FUT8: variants seen among roughly 807,000 people sequenced by gnomAD.
FUT8 encodes alpha-(1,6)-fucosyltransferase.
FUT8 carries 29 observed loss-of-function variants against 71.3 expected under a neutral mutation model. The ratio of observed to expected loss-of-function variants is 0.41; its 90% CI spans 0.30 to 0.55. FUT8 has a LOEUF of 0.55. FUT8 is among the 20% of genes least tolerant of loss of function. The pLI is 0.34. For missense variants in FUT8, 544 were observed against 702.1 expected, an observed-to-expected ratio of 0.77 and a Z score of 2.55; for synonymous variants, 254 against 239.3, an observed-to-expected ratio of 1.06 and a Z score of -0.57.
intron 9 of FUT8, among the ~76,000 whole-genome samples, chr14:65,729,297 G>A (rs556488612): frequency 3.3e-5 from 5 of 151,734 alleles, no homozygotes; most frequent in East Asian, 1.9e-4. Context: ...GATTACTGTC[G>A]TGAGCCACCA....
intron 2 of FUT8, among the ~76,000 whole-genome samples, chr14:65,465,794 T>C (rs1296975011): frequency 1.3e-5 from 2 of 152,226 alleles, no homozygotes; most frequent in South Asian, 2.1e-4. Context: ...ATCTAGTTGA[T>C]TGATGGTGTC....
chr14:65,372,218 G>C, the FUT8 span, among the ~76,000 whole-genome samples: 1 of 152,036 alleles, frequency 6.6e-6, no homozygotes, highest in Non-Finnish European at 1.5e-5. Context: ...CTTGTGCTGG[G>C]GCATTCCCCA....
chr14:65,715,488 CTT>C (rs919081802), intron 7 of FUT8, among the ~76,000 whole-genome samples: 3 of 152,124 alleles, frequency 2.0e-5, no homozygotes, highest in African/African-American at 2.4e-5. Flanking sequence ...TTATTCTTCT[CTT>C]TTACTAATTT....
At chr14:65,649,085 T>C (rs6573623) in intron 6 of FUT8, among the ~76,000 whole-genome samples, 10,968 of 152,292 alleles carry the variant, frequency 0.072, 777 homozygotes, top group African/African-American at 0.18. Flanking sequence ...TTCATTGGTA[T>C]AAACATTGTT....
At chr14:65,653,836 C>A (rs1254373093) in intron 6 of FUT8, among the ~76,000 whole-genome samples, 1 of 152,170 alleles carries the variant, frequency 6.6e-6, no homozygotes, top group African/African-American at 2.4e-5. Context: ...AGATTTAAAA[C>A]CTTGTGCTGA....
chr14:65,363,265 GTGCCCGC>G, the FUT8 span, among the ~76,000 whole-genome samples: 67,056 of 150,978 alleles, frequency 0.44, 17,447 homozygotes, highest in Non-Finnish European at 0.59. Context: ...GGGATTACAG[GTGCCCGC>G]CACCAAGCCT....
At chr14:65,385,981 G>A in the FUT8 span, among the ~76,000 whole-genome samples, 22 of 151,814 alleles carry the variant, frequency 1.4e-4, no homozygotes, top group Non-Finnish European at 1.3e-4. Context: ...GTGAAACCCC[G>A]TCTCTACTAA....
intron 1 of FUT8, among the ~76,000 whole-genome samples, chr14:65,423,805 A>G (rs2065339388): frequency 6.6e-6 from 1 of 152,224 alleles, no homozygotes; most frequent in African/African-American, 2.4e-5. Flanking sequence ...CTTTCTTTAT[A>G]GCAATCCTGT....
At chr14:65,381,824 CAT>C in the FUT8 span, among the ~76,000 whole-genome samples, 1 of 152,170 alleles carries the variant, frequency 6.6e-6, no homozygotes, top group African/African-American at 2.4e-5. Context: ...ATAGTCAACT[CAT>C]ATGCTCTAAA....
chr14:65,358,007 GAGT>G, the FUT8 span, among the ~76,000 whole-genome samples: 5 of 152,126 alleles, frequency 3.3e-5, no homozygotes, highest in Non-Finnish European at 7.4e-5. Context: ...TAGAAGCAGA[GAGT>G]AGAATAGTGG....
At chr14:65,679,452 G>T (rs902101664) in intron 7 of FUT8, among the ~76,000 whole-genome samples, 6 of 152,118 alleles carry the variant, frequency 3.9e-5, no homozygotes, top group Non-Finnish European at 7.4e-5. Context: ...TCAGAGGGAA[G>T]ATTAATATTT....
At chr14:65,440,359 T>A (rs564284020) in intron 1 of FUT8, among the ~76,000 whole-genome samples, 17 of 151,812 alleles carry the variant, frequency 1.1e-4, no homozygotes, top group Admixed American at 3.9e-4. Context: ...TTTTTTTTTT[T>A]AAATTGAAAT....
rs1002292510 is a variant in FUT8, at chr14:65,694,133, G to T, written c.835+24653G>T. On this transcript the variant is annotated intron_variant, in intron 7 of 10. Coordinates refer to ENST00000673929, the MANE Select transcript of FUT8 (RefSeq NM_001371533.1). ...TCTTCATTTTACTGATATTTTCAAA[G>T]AACTAGCTTTTCAGTTTGTTAATTT... 6.6e-5 allele frequency among the ~76,000 whole-genome samples: 10 copies of T among 152,234 alleles called. No homozygotes were observed. In the East Asian group the frequency reaches 1.7e-3, roughly 26 times the overall value.
At chr14:65,685,495 A>G (rs1456174160) in intron 7 of FUT8, among the ~76,000 whole-genome samples, 1 of 152,236 alleles carries the variant, frequency 6.6e-6, no homozygotes, top group East Asian at 1.9e-4. Context: ...AGACCCCAAG[A>G]GAGGGTTCTT....
At position 65,445,213 on chromosome 14, in the gene FUT8, A is replaced by G. The variant is rs75028732; in HGVS notation, c.-325-10408A>G. Among the ~76,000 whole-genome samples the G allele has an allele frequency of 5.7e-3, 869 of 152,192 alleles. 30 individuals are homozygous for G. The East Asian group carries it at 0.092, about 16-fold the overall frequency. ...AGAGCGAAACTCTGTCTCATAAATA[A>G]ATAAAAGGATAAAAAGGGCTTGCTC... is the stretch of plus-strand genomic sequence containing the variant. On this transcript the variant is annotated intron_variant, in intron 1 of 10. Transcript: ENST00000673929.
chr14:65,665,604 A>G (rs1892172637), intron 6 of FUT8, among the ~76,000 whole-genome samples: 1 of 152,204 alleles, frequency 6.6e-6, no homozygotes, highest in African/African-American at 2.4e-5. Flanking sequence ...AGGAATATAA[A>G]TCATTCTACC....
intron 2 of FUT8, among the ~76,000 whole-genome samples, chr14:65,455,927 T>A (rs1282391925): frequency 6.6e-6 from 1 of 152,152 alleles, no homozygotes; most frequent in Non-Finnish European, 1.5e-5. Flanking sequence ...TTGAAAAAAA[T>A]TTACTTCCTT....
At chr14:65,410,099 A>G (rs2065107054), upstream of FUT8, among the ~76,000 whole-genome samples, 1 of 152,164 alleles carries the variant, frequency 6.6e-6, no homozygotes, top group African/African-American at 2.4e-5. Flanking sequence ...GATGTTTAGA[A>G]CCTTTTGGGG....
the FUT8 span, among the ~76,000 whole-genome samples, chr14:65,404,393 C>G: frequency 6.6e-6 from 1 of 151,052 alleles, no homozygotes; most frequent in South Asian, 2.1e-4. Flanking sequence ...AGGCTGGTCT[C>G]GAACTCCTGA....
Sources: allele counts gnomAD v4.1 joint callset (sites outside exome capture counted in the v4.1 genomes callset), GRCh38; gene constraint gnomAD v4.1.1; transcripts MANE v1.5; gene names NCBI Gene and HGNC (gene_info 2026-07-23, HGNC 2026-07-21).